The following OXCT1 variants were observed in gnomAD, a reference collection of about 807,000 sequenced individuals.
OXCT1 encodes the protein 3-oxoacid CoA-transferase 1, also known as succinyl-CoA:3-ketoacid coenzyme A transferase 1, mitochondrial.
In OXCT1, 27 loss-of-function variants were observed where a neutral mutation model predicts 69.6. That is an observed-to-expected ratio of 0.39 (90% CI 0.29 to 0.54). The LOEUF (loss-of-function observed/expected upper bound fraction) is 0.54. Ranked by LOEUF, OXCT1 falls within the 20% of genes least tolerant of loss-of-function variation. OXCT1 has a pLI of 0.72. For missense variants in OXCT1, 437 were observed against 650.2 expected, an observed-to-expected ratio of 0.67 and a Z score of 3.57; for synonymous variants, 202 against 217.8, an observed-to-expected ratio of 0.93 and a Z score of 0.64.
intron 7 of OXCT1, among the ~76,000 whole-genome samples, chr5:41,812,847 C>T (rs956680968): frequency 6.6e-6 from 1 of 151,924 alleles, no homozygotes; most frequent in African/African-American, 2.4e-5. Flanking sequence ...TATCCCAGGA[C>T]CCTTAAAGAG....
In OXCT1 at chr5:41,812,974, G is replaced by T. The variant is rs188134041; in HGVS notation, c.733-5536C>A. 2.5e-4 allele frequency among the ~76,000 whole-genome samples: 38 copies of T among 152,096 alleles called. No individual in the cohort carries two copies. In the South Asian group the frequency reaches 3.7e-3, roughly 15 times the overall value. On this transcript the variant is annotated intron_variant, in intron 7 of 16. Transcript: ENST00000196371. ...CAATCTACAACAGTATTCTAAAATG[G>T]ATTATTATATACATGGTCTAGATGG...
At chr5:41,823,370 T>C (rs115884358) in intron 7 of OXCT1, among the ~76,000 whole-genome samples, 135 of 152,238 alleles carry the variant, frequency 8.9e-4, no homozygotes, top group African/African-American at 3.0e-3. Context: ...CTCACAGAAA[T>C]ATGAAGCCCC....
At chr5:41,809,687 G>T (rs1314212796) in intron 7 of OXCT1, among the ~76,000 whole-genome samples, 4 of 151,806 alleles carry the variant, frequency 2.6e-5, no homozygotes, top group Non-Finnish European at 5.9e-5. Context: ...TGAAAATGCT[G>T]ATGGAAACCC....
chr5:41,803,233 T>C, intron 9 of OXCT1, 70 bp from the exon 10 acceptor site: 1 of 1,006,340 alleles, frequency 9.9e-7, no homozygotes, highest in Non-Finnish European at 1.6e-6. Context: ...CTTCTACATA[T>C]ACAGATCTGA....
chr5:41,780,246 T>A (rs1016317869), intron 13 of OXCT1, among the ~76,000 whole-genome samples: 75 of 152,152 alleles, frequency 4.9e-4, no homozygotes, highest in Middle Eastern at 3.2e-3. Flanking sequence ...GGCACGAGAA[T>A]AACTTAAAAA....
intron 7 of OXCT1, among the ~76,000 whole-genome samples, chr5:41,817,718 G>T (rs1277160948): frequency 6.6e-6 from 1 of 152,120 alleles, no homozygotes; most frequent in Admixed American, 6.6e-5. Context: ...GTATAACTAG[G>T]TAACTACCAT....
rs575515118 is a variant in OXCT1, at chr5:41,864,595, A to G, written c.79-1845T>C. ...AAAGTTGAGGATATCTCCTAGACAC[A>G]CTTAAAAAGTGCATATATCTAATCC... On this transcript the variant is annotated intron_variant, in intron 1 of 16. Coordinates refer to ENST00000196371, the MANE Select transcript of OXCT1 (RefSeq NM_000436.4). 4.7e-4 allele frequency among the ~76,000 whole-genome samples: 71 copies of G among 152,358 alleles called. 1 individual carries two copies. The South Asian group carries it at 0.014, about 31-fold the overall frequency.
At position 41,862,753 on chromosome 5, in the gene OXCT1, G is replaced by T; in HGVS notation, c.79-3C>A. 6.4e-7 allele frequency: 1 copy of T among 1,574,490 alleles called. No individual in the cohort carries two copies. Among genetic ancestry groups the T allele is most frequent in the Non-Finnish European group, 8.7e-7 (1 of 1,146,278 alleles). ...GTGGAAAAGGAACAAACACATCCCT[G>T]AAATATTAAAAAAAAAAAATTGATA... On this transcript the variant is annotated splice_polypyrimidine_tract_variant and splice_region_variant and intron_variant, in intron 1 of 16. Coordinates refer to ENST00000196371, the MANE Select transcript of OXCT1 (RefSeq NM_000436.4).
intron 5 of OXCT1, chr5:41,843,460 T>C (rs1192652046): frequency 2.3e-6 from 1 of 441,412 alleles, no homozygotes; most frequent in East Asian, 7.1e-5. Flanking sequence ...TTTGCTCCTA[T>C]CTACTCTTCT....
At chr5:41,834,499 A>AC (rs1225408934) in intron 7 of OXCT1, among the ~76,000 whole-genome samples, 5 of 143,640 alleles carry the variant, frequency 3.5e-5, no homozygotes, top group African/African-American at 1.3e-4. Flanking sequence ...AAAAAAAAAA[A>AC]AAAAACAAAA....
At chr5:41,802,527 G>A (rs1381146561) in intron 10 of OXCT1, among the ~76,000 whole-genome samples, 1 of 152,008 alleles carries the variant, frequency 6.6e-6, no homozygotes, top group Non-Finnish European at 1.5e-5. Context: ...AATGAGATGA[G>A]AACTTCTACA....
chr5:41,802,534 T>C (rs1393904308), intron 10 of OXCT1, among the ~76,000 whole-genome samples: 3 of 152,110 alleles, frequency 2.0e-5, no homozygotes, highest in African/African-American at 7.2e-5. Flanking sequence ...TGAGAACTTC[T>C]ACAGCTTTTT....
intron 5 of OXCT1, among the ~76,000 whole-genome samples, chr5:41,843,194 A>G (rs897401959): frequency 2.0e-5 from 3 of 152,228 alleles, no homozygotes; most frequent in Non-Finnish European, 4.4e-5. Context: ...ATAGTTACAA[A>G]AATCTATCAT....
intron 15 of OXCT1, among the ~76,000 whole-genome samples, chr5:41,740,784 A>T (rs1013974126): frequency 2.0e-5 from 3 of 152,120 alleles, no homozygotes; most frequent in Non-Finnish European, 4.4e-5. Flanking sequence ...TGCTTCTCCT[A>T]TGGCTTTAGC....
chr5:41,757,932 T>C (rs532300095), intron 14 of OXCT1, among the ~76,000 whole-genome samples: 1 of 152,184 alleles, frequency 6.6e-6, no homozygotes, highest in African/African-American at 2.4e-5. Context: ...TGTTTACAGA[T>C]TTTAAATAGC....
At chr5:41,858,987 G>A (rs1275856825) in intron 3 of OXCT1, among the ~76,000 whole-genome samples, 1 of 152,106 alleles carries the variant, frequency 6.6e-6, no homozygotes, top group East Asian at 1.9e-4. Context: ...ATATTAAATG[G>A]AAAATTCCAG....
intron 3 of OXCT1, among the ~76,000 whole-genome samples, chr5:41,859,923 C>T (rs917305868): frequency 8.5e-6 from 1 of 118,138 alleles, no homozygotes; most frequent in Admixed American, 8.7e-5. Context: ...CACACACACA[C>T]AAGTAATTAT....
chr5:41,850,698 A>C (rs1185887195), intron 4 of OXCT1, among the ~76,000 whole-genome samples: 1 of 152,246 alleles, frequency 6.6e-6, no homozygotes, highest in Non-Finnish European at 1.5e-5. Flanking sequence ...TGAAAAATAC[A>C]GCATACTGGT....
At chr5:41,798,403 A>C (rs1395379605) in intron 11 of OXCT1, among the ~76,000 whole-genome samples, 3 of 152,108 alleles carry the variant, frequency 2.0e-5, no homozygotes, top group South Asian at 2.1e-4. Context: ...GGGCTGGTTA[A>C]CTCCAGCGGA....
Sources: allele counts gnomAD v4.1 joint callset (sites outside exome capture counted in the v4.1 genomes callset), GRCh38; gene constraint gnomAD v4.1.1; transcripts MANE v1.5; gene names NCBI Gene and HGNC (gene_info 2026-07-23, HGNC 2026-07-21).